UNC5D: variants seen among roughly 807,000 people sequenced by gnomAD.
The protein encoded by UNC5D is unc-5 netrin receptor D.
UNC5D carries 39 observed loss-of-function variants against 105.4 expected under a neutral mutation model. The ratio of observed to expected loss-of-function variants is 0.37; its 90% confidence interval spans 0.29 to 0.48. The LOEUF is 0.48. Ranked by LOEUF, UNC5D falls within the 20% of genes least tolerant of loss-of-function variation. UNC5D has a pLI of 0.98. For missense variants in UNC5D, 991 were observed against 1,202.4 expected (o/e 0.82, Z 2.60); for synonymous variants, 452 against 450.4 (o/e 1.00, Z -0.04).
rs941805996 is a variant in UNC5D, at chr8:35,547,870, C to T, written c.104-1422C>T. ...GAGTTTCTTAATGAGTATTGACTCA[C>T]GATCACAAGGTGAGGTCCCACAATA... On this transcript the variant is annotated intron_variant, in intron 1 of 16. Coordinates refer to ENST00000404895, the MANE Select transcript of UNC5D (RefSeq NM_080872.4). Among the ~76,000 whole-genome samples, 8 of 152,024 alleles carry T rather than the reference C, an allele frequency of 5.3e-5. No homozygotes were observed. The East Asian group carries it at 1.2e-3, about 22-fold the overall frequency.
intron 1 of UNC5D, among the ~76,000 whole-genome samples, chr8:35,279,334 C>T (rs909075493): frequency 6.6e-6 from 1 of 152,134 alleles, no homozygotes; most frequent in Non-Finnish European, 1.5e-5. Context: ...CCACCTGTAC[C>T]TTGGTGAGTT....
intron 1 of UNC5D, among the ~76,000 whole-genome samples, chr8:35,300,215 A>C (rs1031749765): frequency 1.3e-5 from 2 of 152,042 alleles, no homozygotes; most frequent in African/African-American, 2.4e-5. Flanking sequence ...TGAGAAGCCA[A>C]GGTGGGCACA....
intron 4 of UNC5D, among the ~76,000 whole-genome samples, chr8:35,682,215 G>A (rs567657741): frequency 2.6e-5 from 4 of 152,232 alleles, no homozygotes; most frequent in East Asian, 1.9e-4. Flanking sequence ...TGCCCGCCTC[G>A]GCCTCTCAAC....
intron 4 of UNC5D, among the ~76,000 whole-genome samples, chr8:35,602,590 G>C (rs1469299523): frequency 2.0e-5 from 3 of 152,146 alleles, no homozygotes; most frequent in African/African-American, 7.2e-5. Context: ...TTTGCATAGA[G>C]GTGTTTATAG....
chr8:35,704,553 C>T (rs564614187), intron 7 of UNC5D, among the ~76,000 whole-genome samples: 2 of 152,318 alleles, frequency 1.3e-5, no homozygotes, highest in Non-Finnish European at 1.5e-5. Flanking sequence ...AAGGGGACTG[C>T]GTAGGGTCCC....
intron 1 of UNC5D, among the ~76,000 whole-genome samples, chr8:35,418,163 G>C (rs1563398453): frequency 6.6e-6 from 1 of 151,958 alleles, no homozygotes. Context: ...ATTCTGTCCT[G>C]TTCCTTTTTG....
intron 1 of UNC5D, among the ~76,000 whole-genome samples, chr8:35,512,616 G>C (rs1812835243): frequency 7.3e-6 from 1 of 136,260 alleles, no homozygotes; most frequent in African/African-American, 2.9e-5. Context: ...ATGTAGAATG[G>C]AGGTGTCTGA....
rs576173018 is a variant in UNC5D at position 35,706,445 on chromosome 8, C to T, written c.1117+484C>T. Among the ~76,000 whole-genome samples the T allele has an allele frequency of 2.6e-5, 4 of 152,152 alleles. No individual in the cohort carries two copies. In the South Asian group the frequency reaches 6.2e-4, roughly 24 times the overall value. ...TGGGGTGTTGGTACTGGCTTAGGCTCGTTGTACCCAGGCTTGCTTATGGGA... is the reference window on the plus strand; with the variant it reads ...TGGGGTGTTGGTACTGGCTTAGGCTTGTTGTACCCAGGCTTGCTTATGGGA... On this transcript the variant is annotated intron_variant, in intron 8 of 16. Coordinates refer to ENST00000404895, the MANE Select transcript of UNC5D (RefSeq NM_080872.4).
intron 1 of UNC5D, among the ~76,000 whole-genome samples, chr8:35,342,867 G>A (rs145686845): frequency 5.3e-4 from 80 of 152,240 alleles, no homozygotes; most frequent in African/African-American, 1.9e-3. Context: ...TTCAAAGTGT[G>A]CTGCAGCCAT....
chr8:35,655,371 C>T (rs892280616), intron 4 of UNC5D, among the ~76,000 whole-genome samples: 3 of 152,160 alleles, frequency 2.0e-5, no homozygotes, highest in Non-Finnish European at 4.4e-5. Context: ...TAGGTAGATG[C>T]CCTTTGCTTT....
intron 1 of UNC5D, among the ~76,000 whole-genome samples, chr8:35,513,859 T>C (rs1242333649): frequency 6.6e-6 from 1 of 152,248 alleles, no homozygotes; most frequent in Non-Finnish European, 1.5e-5. Flanking sequence ...AAGTTTGCTT[T>C]CTAAAACCAA....
intron 9 of UNC5D, 143 bp downstream of exon 9, chr8:35,722,538 A>C: frequency 9.2e-7 from 1 of 1,091,642 alleles, no homozygotes; most frequent in East Asian, 2.6e-5. Context: ...ACATGAACAG[A>C]CCGGGCTGGG....
chr8:35,472,061 A>G lies in UNC5D; in HGVS notation c.104-77231A>G, dbSNP rs113565439. Among the ~76,000 whole-genome samples the G allele has an allele frequency of 8.5e-3, 1,296 of 152,358 alleles. 33 individuals are homozygous for G. The highest frequency in any genetic ancestry group is 0.03 in the African/African-American group (1,252 of 41,596). ...GAACAAACTGAAAGGGACACAGACT[A>G]CAAGTATATAATATTTAAATGAAGT... On this transcript the variant is annotated intron_variant, in intron 1 of 16. Coordinates refer to ENST00000404895, the MANE Select transcript of UNC5D (RefSeq NM_080872.4).
intron 1 of UNC5D, among the ~76,000 whole-genome samples, chr8:35,337,585 G>T (rs181995102): frequency 6.6e-6 from 1 of 152,162 alleles, no homozygotes; most frequent in African/African-American, 2.4e-5. Context: ...TTTGTGGGCA[G>T]TTCTTCTTAG....
intron 1 of UNC5D, among the ~76,000 whole-genome samples, chr8:35,480,838 G>A (rs1810438953): frequency 6.6e-6 from 1 of 152,182 alleles, no homozygotes; most frequent in Non-Finnish European, 1.5e-5. Context: ...TTACCACAAT[G>A]ATAAAGTTTC....
At chr8:35,382,291 T>C (rs572657294) in intron 1 of UNC5D, among the ~76,000 whole-genome samples, 6 of 152,304 alleles carry the variant, frequency 3.9e-5, no homozygotes, top group East Asian at 3.9e-4. Context: ...TTTTTTGATA[T>C]GTAACTCAGG....
At chr8:35,245,277 T>C (rs1320564018) in intron 1 of UNC5D, among the ~76,000 whole-genome samples, 1 of 152,206 alleles carries the variant, frequency 6.6e-6, no homozygotes, top group Non-Finnish European at 1.5e-5. Context: ...TAGCCTGTTT[T>C]TTTTAAGAGA....
intron 8 of UNC5D, among the ~76,000 whole-genome samples, chr8:35,707,002 G>A (rs1372315781): frequency 1.3e-5 from 2 of 152,162 alleles, no homozygotes; most frequent in Non-Finnish European, 2.9e-5. Context: ...TGGCTGGTTT[G>A]GTTTGTAAAG....
At chr8:35,616,828 A>G (rs1377849991) in intron 4 of UNC5D, among the ~76,000 whole-genome samples, 1 of 152,258 alleles carries the variant, frequency 6.6e-6, no homozygotes, top group East Asian at 1.9e-4. Context: ...GAAGGCCAGC[A>G]GTCAGTTGGT....
Sources: allele counts gnomAD v4.1 joint callset (sites outside exome capture counted in the v4.1 genomes callset), GRCh38; gene constraint gnomAD v4.1.1; transcripts MANE v1.5; gene names NCBI Gene and HGNC (gene_info 2026-07-23, HGNC 2026-07-21).